Variants in ATP5PO observed in about 807,000 individuals in gnomAD.
ATP5PO encodes the protein ATP synthase peripheral stalk subunit OSCP, also known as ATP synthase peripheral stalk subunit OSCP, mitochondrial.
Under a neutral mutation model 26.2 loss-of-function variants are expected in ATP5PO, and 14 were observed. The observed-to-expected ratio is 0.53, with a 90% confidence interval of 0.35 to 0.83. The LOEUF is 0.83. Among genes scored for constraint, ATP5PO ranks in the 40% least tolerant of loss-of-function variants. The probability of loss-of-function intolerance (pLI) is 0.01; values close to 1 mark genes in which losing one functional copy is unlikely to be tolerated. For synonymous variants in ATP5PO, 106 were observed against 95.1 expected, an observed-to-expected ratio of 1.12 and a Z score of -0.67; for missense variants, 241 against 258.5, an observed-to-expected ratio of 0.93 and a Z score of 0.46.
chr21:33,914,681 G>A (rs1987291290), intron 1 of ATP5PO, 181 bp from the exon 2 acceptor site: 4 of 533,432 alleles, frequency 7.5e-6, no homozygotes, highest in Middle Eastern at 4.8e-4. Context: ...TACCCAATGA[G>A]GATTATGCCA....
intron 1 of ATP5PO, 46 bp from the exon 2 acceptor site, chr21:33,914,546 G>A (rs748506916): frequency 3.0e-5 from 47 of 1,566,498 alleles, no homozygotes; most frequent in Non-Finnish European, 4.0e-5. Flanking sequence ...TTACTTGAAG[G>A]ATTTCTGCAT....
chr21:33,915,745 A>C lies in ATP5PO; in HGVS notation c.19T>G (p.Ser7Ala), dbSNP rs201852944. 1 of 1,577,540 alleles carries C rather than the reference A, an allele frequency of 6.3e-7. No individual in the cohort carries two copies. The highest frequency in any genetic ancestry group is 8.6e-7 in the Non-Finnish European group (1 of 1,161,658). Residue 7 changes from serine (S) to alanine (A), a missense_variant, in exon 1 of 7, where the codon TCC becomes GCC. By Grantham distance (99) the Ser-to-Ala change is moderately conservative. Around this residue, in one of 3 missense-constraint regions of ATP5PO, gnomAD observed 125 missense variants for 108.5 expected, o/e 1.15. Coordinates refer to ENST00000290299, the MANE Select transcript of ATP5PO (RefSeq NM_001697.3). MAAPAV[S>A]GLSRQVRCFS... is the part of the protein sequence containing the mutation. The stretch of plus-strand genomic sequence containing the variant: ...TCTCTCACCTGCCGGGAGAGCCCGG[A>C]CACTGCTGGGGCAGCCATCTTCTCC...
chr21:33,908,549 A>G (rs1602771892), intron 4 of ATP5PO, among the ~76,000 whole-genome samples: 1 of 152,144 alleles, frequency 6.6e-6, no homozygotes, highest in East Asian at 1.9e-4. Flanking sequence ...CTCTACAAAA[A>G]ATACAAAAAA....
intron 2 of ATP5PO, among the ~76,000 whole-genome samples, chr21:33,913,212 C>T (rs932153369): frequency 1.3e-5 from 2 of 152,160 alleles, no homozygotes; most frequent in South Asian, 4.1e-4. Flanking sequence ...TGATTTTGAT[C>T]ATTTGATTTG....
chr21:33,903,674 C>T (rs767587678), intron 6 of ATP5PO, 35 bp from the exon 7 acceptor site: 56 of 1,600,516 alleles, frequency 3.5e-5, no homozygotes, highest in East Asian at 3.1e-4. Flanking sequence ...TGTGAAAACG[C>T]GCTAATCAAA....
chr21:33,908,845 A>T, intron 4 of ATP5PO: 1 of 414,042 alleles, frequency 2.4e-6, no homozygotes, highest in East Asian at 3.6e-5. Flanking sequence ...TGACTATACA[A>T]TTAGACATGC....
intron 5 of ATP5PO, among the ~76,000 whole-genome samples, chr21:33,906,198 G>T (rs1281459750): frequency 6.6e-6 from 1 of 152,164 alleles, no homozygotes; most frequent in Non-Finnish European, 1.5e-5. Context: ...CTAACTAGAA[G>T]GTTAGACTGT....
In ATP5PO at chr21:33,904,079, TAA is replaced by T. The variant is rs1987138010; in HGVS notation, c.442-60_442-59del. On this transcript the variant is annotated intron_variant, in intron 5 of 6. Transcript: ENST00000290299. Reference sequence around the variant, plus strand: ...AAAGCAAAACAGAAACTTCCAGAGTTAAAATACCCCAGGCCCACATCACCAAG... The same window carrying T: ...AAAGCAAAACAGAAACTTCCAGAGTTAATACCCCAGGCCCACATCACCAAG... 3.7e-5 allele frequency: 55 copies of T among 1,467,510 alleles called. 2 individuals are homozygous for T. In the South Asian group the frequency reaches 6.3e-4, roughly 17 times the overall value. 90.9% of individuals were successfully genotyped at this position (1,467,510 alleles called of 1,614,324 possible). A position where few individuals can be genotyped will look rare whatever the true frequency, so the allele number is the denominator to read the frequency against.
At chr21:33,906,850 G>T (rs1361298660) in intron 5 of ATP5PO, 3 of 445,126 alleles carry the variant, frequency 6.7e-6, no homozygotes, top group African/African-American at 6.0e-5. Context: ...AATTAGCCGG[G>T]TGTGGTGGGG....
At chr21:33,906,786 G>A (rs1258450714) in intron 5 of ATP5PO, 2 of 456,004 alleles carry the variant, frequency 4.4e-6, no homozygotes, top group South Asian at 1.5e-5. Flanking sequence ...CCAGAAGTTC[G>A]AGACAAGCCT....
intron 5 of ATP5PO, chr21:33,906,846 C>G: frequency 2.2e-6 from 1 of 447,004 alleles, no homozygotes; most frequent in South Asian, 1.6e-5. Flanking sequence ...CAAAAATTAG[C>G]CGGGTGTGGT....
chr21:33,912,542 G>T, intron 2 of ATP5PO, 143 bp from the exon 3 acceptor site: 1 of 501,468 alleles, frequency 2.0e-6, no homozygotes, highest in Non-Finnish European at 3.4e-6. Context: ...TTCAAGAGCT[G>T]TCCTAAATGG....
intron 1 of ATP5PO, chr21:33,914,921 G>C (rs1481208319): frequency 6.3e-6 from 1 of 159,970 alleles, no homozygotes; most frequent in Non-Finnish European, 1.4e-5. Context: ...AATTTTTTGA[G>C]TACTGCCGCA....
At chr21:33,911,339 C>T (rs992422468) in intron 3 of ATP5PO, among the ~76,000 whole-genome samples, 1 of 152,200 alleles carries the variant, frequency 6.6e-6, no homozygotes, top group Non-Finnish European at 1.5e-5. Flanking sequence ...CAGTCCTCTA[C>T]TACTACTGGG....
intron 5 of ATP5PO, among the ~76,000 whole-genome samples, chr21:33,905,918 GAAAAAAAAAA>G (rs59334506): frequency 2.0e-5 from 2 of 98,436 alleles, no homozygotes; most frequent in Non-Finnish European, 3.8e-5. Context: ...TCTCAAAAAA[GAAAAAAAAAA>G]AAAAAAAAAA....
At chr21:33,904,676 T>C (rs1396802912) in intron 5 of ATP5PO, among the ~76,000 whole-genome samples, 2 of 152,194 alleles carry the variant, frequency 1.3e-5, no homozygotes, top group Non-Finnish European at 2.9e-5. Context: ...GCCCCAACTC[T>C]TACTCCTGGT....
chr21:33,911,662 G>GTTT (rs58774588), intron 3 of ATP5PO, among the ~76,000 whole-genome samples: 1,521 of 92,030 alleles, frequency 0.017, 11 homozygotes, highest in East Asian at 0.021. Context: ...ATAAGCATAG[G>GTTT]TTTTTTTTTT....
intron 5 of ATP5PO, 52 bp from the exon 6 acceptor site, chr21:33,904,073 C>T: frequency 1.3e-6 from 2 of 1,513,060 alleles, no homozygotes; most frequent in Non-Finnish European, 9.1e-7. Flanking sequence ...CAGAAACTTC[C>T]AGAGTTAAAA....
intron 5 of ATP5PO, chr21:33,906,586 G>C (rs1987175643): frequency 2.3e-6 from 1 of 437,656 alleles, no homozygotes; most frequent in African/African-American, 2.1e-5. Context: ...ATATAGTAGG[G>C]TTCAATAAAC....
Sources: allele counts gnomAD v4.1 joint callset (sites outside exome capture counted in the v4.1 genomes callset), GRCh38; gene constraint gnomAD v4.1.1; regional missense constraint gnomAD v4.1.1; transcripts MANE v1.5; gene names NCBI Gene and HGNC (gene_info 2026-07-23, HGNC 2026-07-21).